Variants in GPC4 observed in about 807,000 individuals in gnomAD.
The protein encoded by GPC4 is glypican-4.
A neutral mutation model predicts 35.0 loss-of-function variants in GPC4; 10 were observed. The observed-to-expected ratio is 0.29, with a 90% CI of 0.18 to 0.48. The LOEUF is 0.48. GPC4 is among the 20% of genes least tolerant of loss of function. GPC4 has a pLI of 0.99. For synonymous variants in GPC4, 167 were observed against 170.2 expected (o/e 0.98, Z 0.15); for missense variants, 322 against 451.3 (o/e 0.71, Z 2.60).
intron 1 of GPC4, among the ~76,000 whole-genome samples, chrX:133,352,698 G>T (rs969926971): frequency 4.5e-5 from 5 of 111,215 alleles, no homozygotes; most frequent in African/African-American, 1.3e-4. Context: ...GCCCTCAAGT[G>T]ACTGATATAT....
chrX:133,349,989 G>A (rs1033642065), intron 1 of GPC4, among the ~76,000 whole-genome samples: 1 of 111,414 alleles, frequency 9.0e-6, no homozygotes, highest in African/African-American at 3.3e-5. Context: ...AAACAAAAGG[G>A]AAGGTAAAAG....
intron 1 of GPC4, among the ~76,000 whole-genome samples, chrX:133,340,213 G>A (rs1459018890): frequency 9.1e-6 from 1 of 109,983 alleles, no homozygotes; most frequent in African/African-American, 3.3e-5. Flanking sequence ...TTTTCTATAT[G>A]CCCCAGAGTT....
intron 2 of GPC4, among the ~76,000 whole-genome samples, chrX:133,337,948 A>G (rs1413417149): frequency 1.8e-5 from 2 of 110,362 alleles, no homozygotes; most frequent in East Asian, 5.6e-4. Flanking sequence ...TGATAGAACT[A>G]AGACATAATT....
chrX:133,401,650 G>T (rs1335073699), intron 1 of GPC4, among the ~76,000 whole-genome samples: 1 of 112,012 alleles, frequency 8.9e-6, no homozygotes, highest in Non-Finnish European at 1.9e-5. Context: ...CTGCCTCACT[G>T]CTTAATAATC....
At chrX:133,336,262 C>T (rs953807258) in intron 2 of GPC4, among the ~76,000 whole-genome samples, 2 of 111,715 alleles carry the variant, frequency 1.8e-5, no homozygotes, top group Non-Finnish European at 3.8e-5. Flanking sequence ...TCGCCAGGCG[C>T]GGTGGCTCAT....
chrX:133,320,492 C>G (rs1263383507), intron 3 of GPC4, among the ~76,000 whole-genome samples: 1 of 108,954 alleles, frequency 9.2e-6, no homozygotes, highest in Non-Finnish European at 1.9e-5. Context: ...CGGGTATGGG[C>G]GCATGCCTGT....
chrX:133,342,995 T>C (rs1260271648), intron 1 of GPC4, among the ~76,000 whole-genome samples: 2 of 111,667 alleles, frequency 1.8e-5, no homozygotes, highest in Non-Finnish European at 3.8e-5. Context: ...TGATCTTATA[T>C]TCTTCTCACT....
At chrX:133,315,869 G>C (rs932282204) in intron 3 of GPC4, among the ~76,000 whole-genome samples, 4 of 111,308 alleles carry the variant, frequency 3.6e-5, no homozygotes, top group Non-Finnish European at 7.5e-5. Context: ...GGTAAGAGCA[G>C]GGGTAGGAGT....
At chrX:133,369,399 A>G (rs763315558) in intron 1 of GPC4, among the ~76,000 whole-genome samples, 1 of 112,080 alleles carries the variant, frequency 8.9e-6, no homozygotes, top group African/African-American at 3.2e-5. Context: ...GTCTTAAATG[A>G]TATTGAACTT....
intron 1 of GPC4, among the ~76,000 whole-genome samples, chrX:133,368,706 G>A (rs967864527): frequency 2.7e-5 from 3 of 110,650 alleles, no homozygotes; most frequent in African/African-American, 9.9e-5. Context: ...GTGCAGTGGC[G>A]CAATCTTGGC....
Position 133,415,394 on chromosome X carries a change from C to T in GPC4, c.-429G>A. 7.1e-6 allele frequency: 1 copy of T among 139,882 alleles called. No individual in the cohort carries two copies. The highest frequency in any genetic ancestry group is 2.3e-4 in the South Asian group (1 of 4,308). The allele number at this position is 139,882 out of a possible 1,213,427, so 11.5% of individuals were successfully genotyped here. On this transcript the variant is annotated 5_prime_UTR_variant, in exon 1 of 9. Transcript: ENST00000370828. Reference sequence around the variant, plus strand: ...CGTTCGCTGCGCGCTGCTTGGGCTGCCCTGCGCTGGTCCGCTCGTCCGGCT... The same window carrying T: ...CGTTCGCTGCGCGCTGCTTGGGCTGTCCTGCGCTGGTCCGCTCGTCCGGCT...
chrX:133,344,191 G>GTTTTTTTTTT (rs747976050), intron 1 of GPC4, among the ~76,000 whole-genome samples: 2 of 38,891 alleles, frequency 5.1e-5, no homozygotes, highest in Non-Finnish European at 5.2e-5. Flanking sequence ...TTTCTTTCTG[G>GTTTTTTTTTT]TTTTTTTTTT....
chrX:133,370,409 TAAA>T (rs1422294807), intron 1 of GPC4, among the ~76,000 whole-genome samples: 12 of 112,369 alleles, frequency 1.1e-4, no homozygotes, highest in Non-Finnish European at 1.3e-4. Context: ...TGATTTGAAA[TAAA>T]GAAGCAAATA....
At chrX:133,386,149 C>T (rs1435619363) in intron 1 of GPC4, among the ~76,000 whole-genome samples, 1 of 107,011 alleles carries the variant, frequency 9.3e-6, no homozygotes, top group Non-Finnish European at 1.9e-5. Flanking sequence ...GTGGGAGGAT[C>T]GCTTGAGCCA....
Position 133,305,839 on chromosome X carries a change from G to A in GPC4, c.1088C>T (p.Ala363Val). ...SRSISESAFS[A>V]RFRPHHPEER... ...CTCGGGGTGATGTGGTCTGAAGCGA[G>A]CACTGAAGGCACTTTCAGAGATGGA... The change falls in exon 6 of 9, where the codon GCT (alanine) becomes GTT (valine). Residue 363 changes from alanine to valine, a missense_variant. Ala to Val is a moderately conservative substitution (Grantham distance 64). Around this residue, in one of 3 missense-constraint regions of GPC4, gnomAD observed 163 missense variants for 277.2 expected, o/e 0.59. Transcript: ENST00000370828. The A allele has an allele frequency of 1.7e-6, 2 of 1,211,581 alleles. No individual in the cohort carries two copies. Among genetic ancestry groups the A allele is most frequent in the Non-Finnish European group, 2.2e-6 (2 of 895,375 alleles).
Position 133,305,765 on chromosome X carries a change from C to A in GPC4, c.1155+7G>T. 9 of 1,210,362 alleles carry A rather than the reference C, an allele frequency of 7.4e-6. No individual in the cohort carries two copies. The highest frequency in any genetic ancestry group is 1.0e-5 in the Non-Finnish European group (9 of 895,124). On this transcript the variant is annotated splice_region_variant and intron_variant, in intron 6 of 8. Coordinates refer to ENST00000370828, the MANE Select transcript of GPC4 (RefSeq NM_001448.3). ...TTAAACACGGCCCTTCCTGCCAAAACGCTCACCAGTCGGTCCAAACTAGTG... is the reference window on the plus strand; with the variant it reads ...TTAAACACGGCCCTTCCTGCCAAAAAGCTCACCAGTCGGTCCAAACTAGTG...
In GPC4 at chrX:133,414,903, C is replaced by T; in HGVS notation, c.63G>A (p.Leu21=). The T allele has an allele frequency of 8.3e-7, 1 of 1,211,935 alleles. No individual in the cohort carries two copies. The highest frequency in any genetic ancestry group is 1.1e-6 in the Non-Finnish European group (1 of 895,462). ...AACTTTTCGACTTGAGCTCGGCAGC[C>T]AGCAGCGCGGCGCTGAGCACTGCCA... is the stretch of plus-strand genomic sequence containing the variant. ...CTLAVLSAAL[L]AAELKSKSCS... is the part of the protein sequence containing the mutation. The change falls in exon 1 of 9, where the codon CTG becomes CTA. Residue 21 remains leucine (L), a synonymous_variant. Coordinates refer to ENST00000370828, the MANE Select transcript of GPC4 (RefSeq NM_001448.3).
At chrX:133,339,385 T>C in intron 1 of GPC4, 44 bp from the exon 2 acceptor site, 1 of 1,155,191 alleles carries the variant, frequency 8.7e-7, no homozygotes, top group Non-Finnish European at 1.2e-6. Context: ...TCATCATTCA[T>C]GAAGTCCAAG....
At chrX:133,343,406 T>TTC (rs1026833340) in intron 1 of GPC4, among the ~76,000 whole-genome samples, 3 of 111,977 alleles carry the variant, frequency 2.7e-5, no homozygotes, top group Non-Finnish European at 5.6e-5. Flanking sequence ...AACCATGTAG[T>TTC]TCTCTCTTAT....
Sources: gnomAD v4.1 joint callset for allele counts (sites outside exome capture counted in the v4.1 genomes callset) on GRCh38, gnomAD v4.1.1 for gene constraint, gnomAD v4.1.1 regional missense constraint, MANE v1.5 for transcripts, NCBI Gene and HGNC (gene_info 2026-07-23, HGNC 2026-07-21) for gene names.